The following APOL3 variants were observed in gnomAD, a reference collection of about 807,000 sequenced individuals.
APOL3 encodes the protein apolipoprotein L3.
APOL3 carries 14 observed loss-of-function variants against 11.6 expected under a neutral mutation model. That is an observed-to-expected ratio of 1.21 (90% CI 0.80 to 1.89). The LOEUF is 1.89. APOL3 is among the 40% of genes most tolerant of loss of function. The probability of loss-of-function intolerance (pLI) is 0.00; values close to 1 mark genes in which losing one functional copy is unlikely to be tolerated. For synonymous variants in APOL3, 192 were observed against 190.6 expected (o/e 1.01, Z -0.06); for missense variants, 483 against 492.1 (o/e 0.98, Z 0.17).
chr22:36,141,288 T>C (rs1196969882), exon 3 of APOL3: 1 of 1,614,164 alleles, frequency 6.2e-7, no homozygotes, highest in African/African-American at 1.3e-5. Context: ...CCGCCTCAGC[T>C]CCTCAGCAGA....
chr22:36,148,057 C>G (rs1452758368), intron 1 of APOL3, among the ~76,000 whole-genome samples: 1 of 152,236 alleles, frequency 6.6e-6, no homozygotes, highest in African/African-American at 2.4e-5. Flanking sequence ...TGTCCTTATT[C>G]CACTTCCATA....
upstream of APOL3, chr22:36,160,956 TCTTGGCCAACCCAC>T (rs6147610): frequency 0.01 from 15,104 of 1,501,636 alleles, 1,009 homozygotes; most frequent in African/African-American, 0.16. Context: ...CAGACGTCCT[TCTTGGCCAACCCAC>T]CTGCCTCCCA....
chr22:36,145,068 C>G (rs962009795), intron 2 of APOL3, among the ~76,000 whole-genome samples: 1 of 150,854 alleles, frequency 6.6e-6, no homozygotes, highest in Admixed American at 6.6e-5. Context: ...TGGTCCTGGT[C>G]TCTCCCCAGC....
rs1026860247 is a variant in APOL3, at chr22:36,145,387, G to A, written c.350+86C>T. The A allele has an allele frequency of 7.3e-5, 111 of 1,515,532 alleles. 1 individual carries two copies. Among genetic ancestry groups the A allele is most frequent in the Non-Finnish European group, 9.0e-5 (101 of 1,119,706 alleles). The allele number at this position is 1,515,532 out of a possible 1,614,324, so 93.9% of individuals were successfully genotyped here. A position where few individuals can be genotyped will look rare whatever the true frequency, so the allele number is the denominator to read the frequency against. ...TCAGCAGAGGGGGCTGCCTGGAGGA[G>A]GTGTGCCTGCCAGAGAAAACTAGCC... is the stretch of plus-strand genomic sequence containing the variant. On this transcript the variant is annotated intron_variant, in intron 2 of 2. Coordinates refer to ENST00000349314, the Ensembl canonical transcript of APOL3.
rs182117018 is a variant in APOL3 at position 36,157,960 on chromosome 22, G to C, written c.223+2709C>G. ...AGCTACTTGGGAGGCTGAGACAGGA[G>C]AATTGCTTGAACCCCGGAGGTGGAG... On this transcript the variant is annotated intron_variant, in intron 1 of 2. Transcript: ENST00000349314. Among the ~76,000 whole-genome samples, 135 of 152,294 alleles carry C rather than the reference G, an allele frequency of 8.9e-4. 1 individual carries two copies. In the Middle Eastern group the frequency reaches 0.014, roughly 15 times the overall value.
chr22:36,165,857 G>A (rs986679139), upstream of APOL3: 11 of 152,160 alleles, frequency 7.2e-5, no homozygotes, highest in African/African-American at 2.7e-4. Context: ...TTTCTCTAAA[G>A]GGGGAAATAT....
chr22:36,145,841 G>A (rs565894082), intron 1 of APOL3, among the ~76,000 whole-genome samples: 6 of 151,928 alleles, frequency 3.9e-5, no homozygotes, highest in Admixed American at 6.6e-5. Flanking sequence ...AAAGAGAGTC[G>A]TAAGGGTAGG....
At chr22:36,159,707 G>T (rs72487616) in intron 1 of APOL3, 1 of 152,182 alleles carries the variant, frequency 6.6e-6, no homozygotes, top group South Asian at 2.1e-4. Context: ...TGAGTGTCAG[G>T]GACATGGAGT....
intron 1 of APOL3, among the ~76,000 whole-genome samples, chr22:36,152,701 C>T (rs2011972668): frequency 6.6e-6 from 1 of 152,182 alleles, no homozygotes; most frequent in South Asian, 2.1e-4. Flanking sequence ...CCTGGAGCCC[C>T]TAGCTAGTGA....
chr22:36,141,519 G>A, exon 3 of APOL3: 1 of 1,614,166 alleles, frequency 6.2e-7, no homozygotes, highest in Non-Finnish European at 8.5e-7. Flanking sequence ...TTGCCTGATG[G>A]CACGGATTTC....
At chr22:36,157,652 A>C (rs943590132) in intron 1 of APOL3, among the ~76,000 whole-genome samples, 16 of 152,230 alleles carry the variant, frequency 1.1e-4, no homozygotes, top group Admixed American at 1.0e-3. Flanking sequence ...GAGCCAGAAT[A>C]AAATGAAAGA....
chr22:36,142,918 C>T (rs1311443724), intron 2 of APOL3, among the ~76,000 whole-genome samples: 1 of 152,236 alleles, frequency 6.6e-6, no homozygotes, highest in Non-Finnish European at 1.5e-5. Context: ...GTCCTCCCCA[C>T]TTGCTGTCTG....
chr22:36,151,839 A>G (rs1408501665), intron 1 of APOL3, among the ~76,000 whole-genome samples: 1 of 152,184 alleles, frequency 6.6e-6, no homozygotes, highest in Non-Finnish European at 1.5e-5. Context: ...TCTAGTCCCA[A>G]CTACTCTGGA....
upstream of APOL3, among the ~76,000 whole-genome samples, chr22:36,162,164 G>A (rs1255506426): frequency 6.6e-6 from 1 of 152,210 alleles, no homozygotes; most frequent in Non-Finnish European, 1.5e-5. Flanking sequence ...TAGCAGCTGG[G>A]AGGAGAAAAG....
intron 1 of APOL3, among the ~76,000 whole-genome samples, chr22:36,148,236 G>A (rs1173321219): frequency 6.6e-6 from 1 of 152,230 alleles, no homozygotes; most frequent in Non-Finnish European, 1.5e-5. Context: ...ATGGGAATGA[G>A]GCCCTGCCTG....
At position 36,152,597 on chromosome 22, in the gene APOL3, G is replaced by T. The variant is rs548002460; in HGVS notation, c.224-6998C>A. On this transcript the variant is annotated intron_variant, in intron 1 of 2. Coordinates refer to ENST00000349314, the Ensembl canonical transcript of APOL3. Reference sequence around the variant, plus strand: ...AAGAAATAAAGTTAAATAAACTCACGTTTAGTTCTCACAACAACCATCCTA... The same window carrying T: ...AAGAAATAAAGTTAAATAAACTCACTTTTAGTTCTCACAACAACCATCCTA... Among the ~76,000 whole-genome samples the T allele has an allele frequency of 7.2e-5, 11 of 152,226 alleles. No individual in the cohort carries two copies. In the East Asian group the frequency reaches 2.1e-3, roughly 29 times the overall value.
chr22:36,159,741 C>T (rs908750341), intron 1 of APOL3: 1 of 152,282 alleles, frequency 6.6e-6, no homozygotes, highest in African/African-American at 2.4e-5. Context: ...TGCTCAACTT[C>T]CTGACATGGG....
intron 1 of APOL3, among the ~76,000 whole-genome samples, chr22:36,157,408 T>A (rs1302804196): frequency 6.6e-6 from 1 of 152,234 alleles, no homozygotes; most frequent in Non-Finnish European, 1.5e-5. Context: ...AAATAGGTCC[T>A]ACATTTAAAA....
Position 36,149,143 on chromosome 22 carries a change from C to T in APOL3, c.224-3544G>A. 9 of 1,366,178 alleles carry T rather than the reference C, an allele frequency of 6.6e-6. No homozygotes were observed. The South Asian group carries it at 8.0e-5, about 12-fold the overall frequency. 84.6% of individuals were successfully genotyped at this position (1,366,178 alleles called of 1,614,324 possible). ...GAAGGGTTCGTTTTTTTTCTTAACC[C>T]TTGAGGAGGAGAAAGCAAATTGTGG... On this transcript the variant is annotated intron_variant, in intron 1 of 2. Transcript: ENST00000349314.
Sources: allele counts gnomAD v4.1 joint callset (sites outside exome capture counted in the v4.1 genomes callset), GRCh38; gene constraint gnomAD v4.1.1; transcripts MANE v1.5; gene names NCBI Gene and HGNC (gene_info 2026-07-23, HGNC 2026-07-21).